Variants in TNRC6C observed in about 807,000 individuals in gnomAD.
The protein encoded by TNRC6C is trinucleotide repeat-containing gene 6C protein.
In TNRC6C, 20 loss-of-function variants were observed where a neutral mutation model predicts 153.7. That is an observed-to-expected ratio of 0.13 (90% CI 0.09 to 0.19). The LOEUF is 0.19. TNRC6C is among the 10% of genes least tolerant of loss of function. The pLI is 1.00. For missense variants in TNRC6C, 1,987 were observed against 2,172.0 expected (o/e 0.91, Z 1.69); for synonymous variants, 811 against 841.4 (o/e 0.96, Z 0.63).
Position 78,049,481 on chromosome 17 carries a change from A to T in TNRC6C, c.419A>T (p.Gln140Leu). ...GCCATAGGTCAAAATATGGGCAACC[A>T]GAACGGGAACCCAACAGGCACTTTA... Residue 140 changes from glutamine to leucine, a missense_variant, in exon 3 of 20, where the codon CAG (glutamine) becomes CTG (leucine). Gln to Leu is a moderately radical substitution (Grantham distance 113). Transcript: ENST00000301624. The surrounding 1 kb of genome is among the most constrained non-coding windows in gnomAD (Gnocchi z 4.1). 1.9e-6 allele frequency: 3 copies of T among 1,614,068 alleles called. No individual in the cohort carries two copies. Among genetic ancestry groups the T allele is most frequent in the Non-Finnish European group, 2.5e-6 (3 of 1,179,894 alleles).
chr17:78,064,083 G>A (rs999200105), intron 3 of TNRC6C, among the ~76,000 whole-genome samples: 18 of 151,854 alleles, frequency 1.2e-4, no homozygotes, highest in Admixed American at 6.6e-5. Context: ...TTGCTCTGTC[G>A]CCCAGGCTAG....
At position 78,075,203 on chromosome 17, in the gene TNRC6C, G is replaced by A; in HGVS notation, c.2985G>A (p.Met995Ile). The change falls in exon 8 of 20, where the codon ATG becomes ATA. Residue 995 changes from methionine to isoleucine, a missense_variant. Transcript: ENST00000301624. This position sits in a 1 kb window ranked among gnomAD's most constrained non-coding sequence, Gnocchi z 4.2. ...TGGGAGTGACCGACCATAATGGAAT[G>A]GCCGCCAAGCCCCTCGGCTGCCGCC... 6.2e-7 allele frequency: 1 copy of A among 1,604,466 alleles called. No homozygotes were observed. Among genetic ancestry groups the A allele is most frequent in the East Asian group, 2.3e-5 (1 of 44,312 alleles).
At chr17:77,991,789 T>TGAA (rs1245279800) in intron 1 of TNRC6C, among the ~76,000 whole-genome samples, 1 of 152,258 alleles carries the variant, frequency 6.6e-6, no homozygotes, top group African/African-American at 2.4e-5. Flanking sequence ...ATTGTAAGTT[T>TGAA]GAAGCATACG....
chr17:78,010,925 A>G (rs1180705637), intron 1 of TNRC6C, among the ~76,000 whole-genome samples: 1 of 152,224 alleles, frequency 6.6e-6, no homozygotes, highest in Non-Finnish European at 1.5e-5. Context: ...AAATTGTGAA[A>G]CAAAGGAAGT....
rs1458566585 is a variant in TNRC6C, at chr17:77,992,377, A to G, written c.-37-11793A>G. On this transcript the variant is annotated intron_variant, in intron 1 of 22. Transcript: ENST00000636222. ...GCCGGGCATGGTGGCGCGTGCCTGTAGTCCCAGCTACACAGGAGGCTGAGG... is the reference window on the plus strand; with the variant it reads ...GCCGGGCATGGTGGCGCGTGCCTGTGGTCCCAGCTACACAGGAGGCTGAGG... 3.8e-5 allele frequency among the ~76,000 whole-genome samples: 4 copies of G among 104,052 alleles called. 1 individual carries two copies. Among genetic ancestry groups the G allele is most frequent in the Admixed American group, 1.9e-4 (2 of 10,546 alleles). The allele number at this position is 104,052 out of a possible 152,430, so 68.3% of individuals were successfully genotyped here. A position where few individuals can be genotyped will look rare whatever the true frequency, so the allele number is the denominator to read the frequency against.
intron 1 of TNRC6C, among the ~76,000 whole-genome samples, chr17:77,982,460 G>C (rs1299491933): frequency 6.6e-6 from 1 of 152,086 alleles, no homozygotes; most frequent in Non-Finnish European, 1.5e-5. Flanking sequence ...CAAGCTAATA[G>C]AGAAGGAGAA....
At chr17:78,034,035 G>A (rs111702015) in intron 2 of TNRC6C, among the ~76,000 whole-genome samples, 5,677 of 152,008 alleles carry the variant, frequency 0.037, 232 homozygotes, top group African/African-American at 0.1. Context: ...CATTTTCCCC[G>A]CCTACTCTCC....
chr17:77,997,520 A>G (rs576205887), intron 1 of TNRC6C, among the ~76,000 whole-genome samples: 11 of 152,130 alleles, frequency 7.2e-5, no homozygotes, highest in Non-Finnish European at 1.3e-4. Context: ...ACCCTCCTCA[A>G]TGCCCCCAAC....
Position 77,972,919 on chromosome 17 carries a change from T to A in TNRC6C, c.-38+13651T>A, listed in dbSNP as rs1346397072. 8.5e-5 allele frequency among the ~76,000 whole-genome samples: 13 copies of A among 152,328 alleles called. No homozygotes were observed. In the South Asian group the frequency reaches 1.9e-3, roughly 22 times the overall value. On this transcript the variant is annotated intron_variant, in intron 1 of 22. Transcript: ENST00000636222. The stretch of plus-strand genomic sequence containing the variant: ...ATAATAATATCATAAATTATTTATT[T>A]TTTGAGACAGAGTCTCGCAACTCTC...
At chr17:78,059,465 C>T (rs1325976824) in intron 3 of TNRC6C, among the ~76,000 whole-genome samples, 3 of 152,116 alleles carry the variant, frequency 2.0e-5, no homozygotes, top group Admixed American at 6.5e-5. Context: ...AGTGCAAGTC[C>T]GTGGCGTGAG....
chr17:78,092,128 G>C (rs1341902299), intron 14 of TNRC6C, among the ~76,000 whole-genome samples: 1 of 152,122 alleles, frequency 6.6e-6, no homozygotes, highest in Non-Finnish European at 1.5e-5. Flanking sequence ...AACCATAGGA[G>C]GTAATCTCAC....
intron 3 of TNRC6C, among the ~76,000 whole-genome samples, chr17:78,060,367 A>C (rs2072742093): frequency 6.6e-6 from 1 of 152,254 alleles, no homozygotes; most frequent in Admixed American, 6.5e-5. Flanking sequence ...GGTATGAGTA[A>C]AAAATCTCAT....
chr17:78,095,596 T>C (rs758259617), intron 16 of TNRC6C, among the ~76,000 whole-genome samples: 6 of 152,222 alleles, frequency 3.9e-5, no homozygotes, highest in African/African-American at 7.2e-5. Context: ...ATGTGGCTCA[T>C]GCCAGGCCTC....
intron 1 of TNRC6C, among the ~76,000 whole-genome samples, chr17:77,959,860 TG>T (rs2070847393): frequency 6.6e-6 from 1 of 152,220 alleles, no homozygotes. Context: ...TTGCCGCCTC[TG>T]CTTTAAGCGG....
At chr17:78,063,919 T>C (rs542623106) in intron 3 of TNRC6C, among the ~76,000 whole-genome samples, 1 of 152,362 alleles carries the variant, frequency 6.6e-6, no homozygotes, top group Admixed American at 6.5e-5. Flanking sequence ...TATTTAACCA[T>C]AGTTTTAAAC....
intron 1 of TNRC6C, among the ~76,000 whole-genome samples, chr17:77,989,891 C>G (rs1195053345): frequency 6.6e-6 from 1 of 152,154 alleles, no homozygotes; most frequent in Non-Finnish European, 1.5e-5. Flanking sequence ...CAGCTATAAC[C>G]CTCACTTTGA....
At chr17:77,958,778 G>T (rs1172514753), upstream of TNRC6C, among the ~76,000 whole-genome samples, 1 of 149,968 alleles carries the variant, frequency 6.7e-6, no homozygotes, top group Non-Finnish European at 1.5e-5. Flanking sequence ...AGCCGCCGCC[G>T]CCGGCCCCGC....
At chr17:78,015,455 A>C (rs2071710216) in intron 1 of TNRC6C, among the ~76,000 whole-genome samples, 1 of 152,360 alleles carries the variant, frequency 6.6e-6, no homozygotes, top group South Asian at 2.1e-4. Context: ...TACTGCTCTC[A>C]TCCATTTCAC....
At chr17:78,051,505 T>C in intron 3 of TNRC6C, 57 bp downstream of exon 5, 1 of 1,299,322 alleles carries the variant, frequency 7.7e-7, no homozygotes. Context: ...AAAAGCTTAT[T>C]CTCATTATAT....
Sources: allele counts gnomAD v4.1 joint callset (sites outside exome capture counted in the v4.1 genomes callset), GRCh38; gene constraint gnomAD v4.1.1; non-coding constraint Gnocchi (gnomAD v3.1); transcripts MANE v1.5; gene names NCBI Gene and HGNC (gene_info 2026-07-23, HGNC 2026-07-21).